GABRB1: variants seen among roughly 807,000 people sequenced by gnomAD.
GABRB1 encodes gamma-aminobutyric acid type A receptor subunit beta1, also known as gamma-aminobutyric acid receptor subunit beta-1.
A neutral mutation model predicts 51.6 loss-of-function variants in GABRB1; 17 were observed. The observed-to-expected ratio is 0.33, with a 90% CI of 0.23 to 0.49. The LOEUF is 0.49. Among genes scored for constraint, GABRB1 ranks in the 20% least tolerant of loss-of-function variants. The pLI is 0.99. For synonymous variants in GABRB1, 247 were observed against 218.9 expected, an observed-to-expected ratio of 1.13 and a Z score of -1.14; for missense variants, 410 against 600.6, an observed-to-expected ratio of 0.68 and a Z score of 3.32.
At chr4:47,115,441 T>C (rs1239871876) in intron 3 of GABRB1, among the ~76,000 whole-genome samples, 9 of 152,104 alleles carry the variant, frequency 5.9e-5, no homozygotes, top group Admixed American at 5.2e-4. Flanking sequence ...GAAAAAGATC[T>C]AGTATAAGTA....
intron 4 of GABRB1, among the ~76,000 whole-genome samples, chr4:47,240,071 T>A (rs1721467891): frequency 6.6e-6 from 1 of 152,230 alleles, no homozygotes; most frequent in Non-Finnish European, 1.5e-5. Flanking sequence ...GGCAATTTAC[T>A]CAGTTGCTGG....
At chr4:47,104,567 A>G (rs1046106899) in intron 3 of GABRB1, among the ~76,000 whole-genome samples, 1 of 151,672 alleles carries the variant, frequency 6.6e-6, no homozygotes, top group Non-Finnish European at 1.5e-5. Flanking sequence ...CACATACATT[A>G]GATCATTTTA....
chr4:47,319,766 C>G (rs1443083959), intron 4 of GABRB1, among the ~76,000 whole-genome samples: 1 of 152,104 alleles, frequency 6.6e-6, no homozygotes, highest in African/African-American at 2.4e-5. Context: ...AATATTAGTT[C>G]TTCTCTGAAT....
intron 5 of GABRB1, among the ~76,000 whole-genome samples, chr4:47,376,620 C>T (rs1727390890): frequency 6.6e-6 from 1 of 152,184 alleles, no homozygotes; most frequent in African/African-American, 2.4e-5. Flanking sequence ...GCACTCCAGC[C>T]TGGGCGACTG....
chr4:47,313,267 G>A (rs1578086829), intron 4 of GABRB1, among the ~76,000 whole-genome samples: 1 of 152,072 alleles, frequency 6.6e-6, no homozygotes, highest in South Asian at 2.1e-4. Flanking sequence ...CCTTTAGCTG[G>A]TTTTACCATC....
intron 3 of GABRB1, among the ~76,000 whole-genome samples, chr4:47,151,178 G>T (rs944592820): frequency 7.9e-5 from 12 of 151,938 alleles, no homozygotes; most frequent in African/African-American, 2.9e-4. Context: ...TTACTGGAAA[G>T]GTAACTAAAA....
At chr4:47,416,753 G>A (rs1208419828) in intron 8 of GABRB1, among the ~76,000 whole-genome samples, 1 of 151,922 alleles carries the variant, frequency 6.6e-6, no homozygotes, top group East Asian at 1.9e-4. Flanking sequence ...CACCCAGCCT[G>A]TTTTGCACTT....
chr4:47,146,131 T>G (rs1044273032), intron 3 of GABRB1, among the ~76,000 whole-genome samples: 1 of 152,016 alleles, frequency 6.6e-6, no homozygotes, highest in African/African-American at 2.4e-5. Flanking sequence ...TGCTGAACCT[T>G]GATTTCCACT....
intron 8 of GABRB1, among the ~76,000 whole-genome samples, chr4:47,415,652 G>A (rs1412532447): frequency 6.6e-6 from 1 of 152,110 alleles, no homozygotes; most frequent in Non-Finnish European, 1.5e-5. Context: ...GAATATCAGG[G>A]CATTATCATC....
intron 4 of GABRB1, among the ~76,000 whole-genome samples, chr4:47,295,753 G>A (rs1723962636): frequency 6.6e-6 from 1 of 152,150 alleles, no homozygotes; most frequent in African/African-American, 2.4e-5. Context: ...AGGACATACA[G>A]AGAATGCCAC....
intron 4 of GABRB1, among the ~76,000 whole-genome samples, chr4:47,297,560 A>T (rs1368618818): frequency 6.6e-6 from 1 of 152,216 alleles, no homozygotes; most frequent in Non-Finnish European, 1.5e-5. Context: ...TAAACCAGGA[A>T]GAGGTTGAAT....
chr4:46,993,784 G>A (rs965611914), exon 1 of GABRB1: 2 of 222,660 alleles, frequency 9.0e-6, no homozygotes, highest in Non-Finnish European at 1.8e-5. Context: ...GATGAGGAAC[G>A]GGGTCTCTCG....
At chr4:47,022,408 T>C (rs1439797630) in intron 1 of GABRB1, among the ~76,000 whole-genome samples, 1 of 152,146 alleles carries the variant, frequency 6.6e-6, no homozygotes, top group Non-Finnish European at 1.5e-5. Context: ...TTGTTTCTGG[T>C]ACTAATTTTA....
At chr4:47,243,726 T>C (rs568203837) in intron 4 of GABRB1, among the ~76,000 whole-genome samples, 4 of 152,300 alleles carry the variant, frequency 2.6e-5, no homozygotes, top group South Asian at 4.1e-4. Flanking sequence ...TTTTTGCACA[T>C]TGATTTTGTA....
intron 3 of GABRB1, among the ~76,000 whole-genome samples, chr4:47,118,797 G>A (rs1715618254): frequency 6.6e-6 from 1 of 152,080 alleles, no homozygotes; most frequent in Non-Finnish European, 1.5e-5. Flanking sequence ...CCAAGAAACT[G>A]ACTAGCTAAA....
At position 47,175,008 on chromosome 4, in the gene GABRB1, C is replaced by CTCTTCCTTCTT. The variant is rs1489247936; in HGVS notation, c.461+13549_461+13559dup. The stretch of plus-strand genomic sequence containing the variant: ...CCTTCCTTCCTCCCTTCCTTCCTCT[C>CTCTTCCTTCTT]TCTTCCTTCTTTCTTCCTTCCTTCC... On this transcript the variant is annotated intron_variant, in intron 4 of 8. Coordinates refer to ENST00000295454, the MANE Select transcript of GABRB1 (RefSeq NM_000812.4). 1.3e-3 allele frequency among the ~76,000 whole-genome samples: 177 copies of CTCTTCCTTCTT among 139,604 alleles called. 5 individuals are homozygous for CTCTTCCTTCTT. In the East Asian group the frequency reaches 0.03, roughly 24 times the overall value. 91.6% of individuals were successfully genotyped at this position (139,604 alleles called of 152,430 possible).
intron 3 of GABRB1, among the ~76,000 whole-genome samples, chr4:47,044,848 C>T (rs1726018067): frequency 6.6e-6 from 1 of 151,808 alleles, no homozygotes; most frequent in Non-Finnish European, 1.5e-5. Flanking sequence ...CAATAAAAAT[C>T]AAAATAATTT....
At position 47,273,586 on chromosome 4, in the gene GABRB1, C is replaced by T. The variant is rs980851590; in HGVS notation, c.462-46541C>T. On this transcript the variant is annotated intron_variant, in intron 4 of 8. Coordinates refer to ENST00000295454, the MANE Select transcript of GABRB1 (RefSeq NM_000812.4). ...CCAGACTACCTGAGTTCGAATCCCA[C>T]TTGCTAGCTAGGCAAACTTAGGCTG... 1.1e-4 allele frequency among the ~76,000 whole-genome samples: 17 copies of T among 152,220 alleles called. 2 individuals carry two copies. The highest frequency in any genetic ancestry group is 7.2e-4 in the Admixed American group (11 of 15,278).
chr4:47,347,160 T>C (rs1726130258), intron 5 of GABRB1, among the ~76,000 whole-genome samples: 1 of 151,996 alleles, frequency 6.6e-6, no homozygotes, highest in African/African-American at 2.4e-5. Flanking sequence ...AGCTCGACTG[T>C]AATCCCAGCT....
Sources: allele counts gnomAD v4.1 joint callset (sites outside exome capture counted in the v4.1 genomes callset), GRCh38; gene constraint gnomAD v4.1.1; transcripts MANE v1.5; gene names NCBI Gene and HGNC (gene_info 2026-07-23, HGNC 2026-07-21).